The following DCDC1 variants were observed in gnomAD, a reference collection of about 807,000 sequenced individuals.
The protein encoded by DCDC1 is doublecortin domain containing 1, also known as doublecortin domain-containing protein 1.
A neutral mutation model predicts 178.3 loss-of-function variants in DCDC1; 200 were observed. The observed-to-expected ratio is 1.12, with a 90% CI of 1.00 to 1.26. DCDC1 has a LOEUF of 1.26. DCDC1 is among the 50% of genes most tolerant of loss of function. The pLI, the probability that DCDC1 is intolerant of heterozygous loss-of-function variation, is 0.00. For synonymous variants in DCDC1, 690 were observed against 604.8 expected, an observed-to-expected ratio of 1.14 and a Z score of -2.07; for missense variants, 1,983 against 1,749.2, an observed-to-expected ratio of 1.13 and a Z score of -2.38.
intron 8 of DCDC1, among the ~76,000 whole-genome samples, chr11:31,261,962 C>G (rs1944816151): frequency 6.8e-6 from 1 of 147,748 alleles, no homozygotes; most frequent in Non-Finnish European, 1.5e-5. Context: ...ATTAAACTCT[C>G]TCATTACTGG....
At chr11:31,077,729 C>A (rs1956951141) in intron 18 of DCDC1, 136 bp downstream of exon 18, 3 of 442,764 alleles carry the variant, frequency 6.8e-6, no homozygotes, top group South Asian at 5.5e-5. Flanking sequence ...AAGTTAAATT[C>A]TAAATTTCTA....
intron 1 of DCDC1, among the ~76,000 whole-genome samples, chr11:31,346,455 C>G (rs1800835686): frequency 8.1e-6 from 1 of 122,770 alleles, no homozygotes; most frequent in South Asian, 2.7e-4. Flanking sequence ...CAGAAGGAGA[C>G]TCCGTCTCAA....
At chr11:31,185,021 A>G (rs771408389) in intron 9 of DCDC1, among the ~76,000 whole-genome samples, 1 of 152,250 alleles carries the variant, frequency 6.6e-6, no homozygotes, top group Non-Finnish European at 1.5e-5. Context: ...AAAGCCCATC[A>G]ATGATAGACT....
At chr11:31,265,749 A>C (rs570252583) in intron 7 of DCDC1, 149 bp from the exon 8 acceptor site, 4 of 344,578 alleles carry the variant, frequency 1.2e-5, no homozygotes, top group Non-Finnish European at 2.0e-5. Flanking sequence ...TATGAAATTT[A>C]AAAGCAGTTA....
At chr11:31,143,730 C>T (rs916726399) in intron 9 of DCDC1, among the ~76,000 whole-genome samples, 2 of 152,154 alleles carry the variant, frequency 1.3e-5, no homozygotes, top group Non-Finnish European at 2.9e-5. Context: ...TCACTTAAGT[C>T]CCTCTATAAA....
chr11:31,061,469 G>A (rs796404670), intron 20 of DCDC1, among the ~76,000 whole-genome samples: 13 of 152,102 alleles, frequency 8.5e-5, no homozygotes, highest in African/African-American at 3.1e-4. Flanking sequence ...GTGTGTGTGT[G>A]TTTAAAGAGG....
intron 11 of DCDC1, among the ~76,000 whole-genome samples, chr11:31,112,360 G>C (rs552709836): frequency 6.6e-6 from 1 of 152,242 alleles, no homozygotes; most frequent in African/African-American, 2.4e-5. Flanking sequence ...AACAAAGATA[G>C]CTTTCTAAAG....
intron 9 of DCDC1, among the ~76,000 whole-genome samples, chr11:31,235,154 C>T (rs980801499): frequency 6.6e-6 from 1 of 151,914 alleles, no homozygotes; most frequent in African/African-American, 2.4e-5. Context: ...GGGGATATAA[C>T]ATTAGGATGT....
chr11:30,940,669 G>A (rs55751213), intron 21 of DCDC1, among the ~76,000 whole-genome samples: 64 of 151,992 alleles, frequency 4.2e-4, no homozygotes, highest in African/African-American at 1.2e-3. Flanking sequence ...CAATTATATC[G>A]ATTTTATTAA....
Position 31,364,886 on chromosome 11 carries a change from C to G in DCDC1, c.-125+4811G>C, listed in dbSNP as rs1204997350. Among the ~76,000 whole-genome samples, 3 of 151,834 alleles carry G rather than the reference C, an allele frequency of 2.0e-5. No individual in the cohort carries two copies. In the East Asian group the frequency reaches 5.8e-4, roughly 29 times the overall value. On this transcript the variant is annotated intron_variant, in intron 1 of 38. Coordinates refer to ENST00000684477, the MANE Select transcript of DCDC1 (RefSeq NM_001387274.1). The stretch of plus-strand genomic sequence containing the variant: ...AAGTTTCTTTCATCCTAGTCATTCA[C>G]CTCTCCCTTCCTTCAAAACACTATT...
intron 9 of DCDC1, among the ~76,000 whole-genome samples, chr11:31,236,682 C>T (rs1254755892): frequency 6.6e-6 from 1 of 151,816 alleles, no homozygotes; most frequent in African/African-American, 2.4e-5. Context: ...AATCTACAAA[C>T]AACCTAATAT....
intron 9 of DCDC1, among the ~76,000 whole-genome samples, chr11:31,184,905 C>T (rs1367700973): frequency 1.3e-5 from 2 of 152,194 alleles, no homozygotes; most frequent in Non-Finnish European, 2.9e-5. Flanking sequence ...AATCCCATTA[C>T]TGGGTATATA....
intron 9 of DCDC1, among the ~76,000 whole-genome samples, chr11:31,202,428 G>A (rs759495643): frequency 1.8e-4 from 27 of 151,858 alleles, no homozygotes; most frequent in Non-Finnish European, 2.8e-4. Flanking sequence ...AAAAGTAGTT[G>A]ACTGTGGTGG....
At position 30,903,466 on chromosome 11, in the gene DCDC1, G is replaced by A. The variant is rs1944846763; in HGVS notation, c.4510+16C>T. 1.9e-6 allele frequency: 3 copies of A among 1,572,158 alleles called. No homozygotes were observed. Among genetic ancestry groups the A allele is most frequent in the Non-Finnish European group, 2.6e-6 (3 of 1,157,116 alleles). ...GCATAAGTAGAATCAGCTAAATGCT[G>A]TAGATTGTAGCCAACCTTCCATACT... is the stretch of plus-strand genomic sequence containing the variant. On this transcript the variant is annotated intron_variant, in intron 32 of 38. Transcript: ENST00000684477.
intron 20 of DCDC1, among the ~76,000 whole-genome samples, chr11:30,974,594 C>T (rs1950000078): frequency 6.6e-6 from 1 of 152,038 alleles, no homozygotes; most frequent in South Asian, 2.1e-4. Flanking sequence ...TATACATTCG[C>T]AAACTGGAAA....
intron 9 of DCDC1, among the ~76,000 whole-genome samples, chr11:31,224,952 T>C (rs954428348): frequency 4.6e-5 from 7 of 152,144 alleles, no homozygotes; most frequent in African/African-American, 1.4e-4. Context: ...AGTATGGAGA[T>C]TTCTTAAAGA....
intron 9 of DCDC1, among the ~76,000 whole-genome samples, chr11:31,227,880 T>C (rs553923366): frequency 6.6e-6 from 1 of 152,070 alleles, no homozygotes; most frequent in African/African-American, 2.4e-5. Context: ...CAAAATGGAC[T>C]TCAGAACAAA....
At chr11:31,143,330 G>T (rs1964069022) in intron 9 of DCDC1, among the ~76,000 whole-genome samples, 1 of 152,042 alleles carries the variant, frequency 6.6e-6, no homozygotes, top group South Asian at 2.1e-4. Context: ...ATTACATGAT[G>T]AAACTAGTTC....
chr11:31,148,277 T>C (rs960223909), intron 9 of DCDC1, among the ~76,000 whole-genome samples: 4 of 148,522 alleles, frequency 2.7e-5, no homozygotes, highest in Admixed American at 6.7e-5. Flanking sequence ...CCGGGCGCCG[T>C]GGCTCACACT....
Sources: gnomAD v4.1 joint callset for allele counts (sites outside exome capture counted in the v4.1 genomes callset) on GRCh38, gnomAD v4.1.1 for gene constraint, MANE v1.5 for transcripts, NCBI Gene and HGNC (gene_info 2026-07-23, HGNC 2026-07-21) for gene names.